Variants in RANBP10 observed in about 807,000 individuals in gnomAD.
The protein encoded by RANBP10 is ran-binding protein 10.
A neutral mutation model predicts 72.8 loss-of-function variants in RANBP10; 24 were observed. The observed-to-expected ratio is 0.33, with a 90% CI of 0.24 to 0.46. The LOEUF is 0.46. RANBP10 is among the 20% of genes least tolerant of loss of function. RANBP10 has a pLI of 1.00. For synonymous variants in RANBP10, 310 were observed against 322.3 expected (o/e 0.96, Z 0.41); for missense variants, 679 against 817.5 (o/e 0.83, Z 2.07).
chr16:67,782,595 G>A (rs1348518296), intron 2 of RANBP10, among the ~76,000 whole-genome samples: 3 of 151,972 alleles, frequency 2.0e-5, no homozygotes. Flanking sequence ...GGGACTACAA[G>A]GCGTGCGCTA....
intron 3 of RANBP10, among the ~76,000 whole-genome samples, chr16:67,745,714 C>T (rs2054058994): frequency 6.6e-6 from 1 of 152,110 alleles, no homozygotes; most frequent in South Asian, 2.1e-4. Flanking sequence ...ACGATCAACA[C>T]ACAGAACATT....
intron 3 of RANBP10, among the ~76,000 whole-genome samples, chr16:67,764,674 C>G (rs1334795652): frequency 6.6e-6 from 1 of 152,114 alleles, no homozygotes; most frequent in African/African-American, 2.4e-5. Context: ...GCATGGGGGA[C>G]AGAGTGAGAT....
intron 2 of RANBP10, among the ~76,000 whole-genome samples, chr16:67,785,689 C>G (rs2054903212): frequency 7.0e-6 from 1 of 143,082 alleles, no homozygotes; most frequent in Non-Finnish European, 1.5e-5. Context: ...GATCACACCA[C>G]TGCACTCCTG....
chr16:67,806,539 T>C lies in RANBP10; in HGVS notation c.-3A>G. 6.7e-7 allele frequency: 1 copy of C among 1,497,344 alleles called. No individual in the cohort carries two copies. Among genetic ancestry groups the C allele is most frequent in the Non-Finnish European group, 8.8e-7 (1 of 1,131,712 alleles). 92.8% of individuals were successfully genotyped at this position (1,497,344 alleles called of 1,614,324 possible). ...GGGTCTGCCGTCGCTGCCGCCATCT[T>C]GGAGGGAGCTACTATTGTGTCACTG... On this transcript the variant is annotated 5_prime_UTR_variant, in exon 1 of 14. Coordinates refer to ENST00000317506, the MANE Select transcript of RANBP10 (RefSeq NM_020850.3).
rs188355810 is a variant in RANBP10 at position 67,728,334 on chromosome 16, G to A, written c.1474+56C>T. On this transcript the variant is annotated intron_variant, in intron 11 of 13. Transcript: ENST00000317506. ...ACCCCAGCCCCTCCCAGGGGAAGAG[G>A]GCACCCAGACTGCACACTGCCCTCA... The A allele has an allele frequency of 4.9e-5, 77 of 1,585,584 alleles. No homozygotes were observed. In the East Asian group the frequency reaches 1.6e-3, roughly 32 times the overall value.
At chr16:67,735,066 G>A in intron 5 of RANBP10, 24 bp from the exon 6 acceptor site, 1 of 1,564,812 alleles carries the variant, frequency 6.4e-7, no homozygotes, top group Non-Finnish European at 8.7e-7. Context: ...TGAAATGTCA[G>A]TCAGGCCCTG....
chr16:67,771,453 C>A (rs958296517), intron 3 of RANBP10, among the ~76,000 whole-genome samples: 3 of 151,964 alleles, frequency 2.0e-5, no homozygotes, highest in Non-Finnish European at 2.9e-5. Context: ...TCAAGCGATT[C>A]TCCTGCCTCT....
intron 3 of RANBP10, among the ~76,000 whole-genome samples, chr16:67,754,556 G>C (rs1326934366): frequency 6.6e-6 from 1 of 152,208 alleles, no homozygotes; most frequent in Admixed American, 6.5e-5. Flanking sequence ...CAGGCCTTGA[G>C]AAGTTGTACA....
chr16:67,782,202 G>A (rs1028089854), intron 2 of RANBP10, among the ~76,000 whole-genome samples: 1 of 152,102 alleles, frequency 6.6e-6, no homozygotes, highest in Admixed American at 6.6e-5. Flanking sequence ...GTGCAATGGT[G>A]AGACCTTGCT....
chr16:67,778,295 G>A (rs986972697), intron 2 of RANBP10, among the ~76,000 whole-genome samples: 4 of 152,066 alleles, frequency 2.6e-5, no homozygotes, highest in African/African-American at 9.7e-5. Flanking sequence ...GTTGCAGTAA[G>A]CCAAGATCGC....
At position 67,785,731 on chromosome 16, in the gene RANBP10, C is replaced by CAAAAAAAAAAAA. The variant is rs61683439; in HGVS notation, c.348-13657_348-13646dup. ...AAACAGAGTGAGTGAGACTCCATCT[C>CAAAAAAAAAAAA]AAAAAAAAAAAAAAAGCCAGGCACA... is the stretch of plus-strand genomic sequence containing the variant. On this transcript the variant is annotated intron_variant, in intron 2 of 13. Coordinates refer to ENST00000317506, the MANE Select transcript of RANBP10 (RefSeq NM_020850.3). 5.4e-4 allele frequency among the ~76,000 whole-genome samples: 39 copies of CAAAAAAAAAAAA among 71,730 alleles called. 2 individuals carry two copies. Among genetic ancestry groups the CAAAAAAAAAAAA allele is most frequent in the African/African-American group, 2.1e-3 (30 of 14,582 alleles). 47.1% of individuals were successfully genotyped at this position (71,730 alleles called of 152,430 possible).
intron 3 of RANBP10, 31 bp from the exon 4 acceptor site, chr16:67,744,486 T>A: frequency 1.3e-6 from 2 of 1,589,652 alleles, no homozygotes; most frequent in South Asian, 1.1e-5. Flanking sequence ...AATAACTGAG[T>A]AGGTACTTGA....
chr16:67,804,116 A>G (rs1414570308), intron 2 of RANBP10, among the ~76,000 whole-genome samples: 1 of 152,152 alleles, frequency 6.6e-6, no homozygotes, highest in Non-Finnish European at 1.5e-5. Flanking sequence ...CAAAGGGGAC[A>G]GTCCCTAGGA....
In RANBP10 at chr16:67,729,955, G is replaced by A. The variant is rs1216194690; in HGVS notation, c.981C>T (p.Asn327=). ...FYPGLLEHNP[N]LLFMLKCRQF... ...AGACTTACTTGAGCATGAAGAGGAGGTTGGGGTTGTGCTCCAGCAGCCCTG... is the reference window on the plus strand; with the variant it reads ...AGACTTACTTGAGCATGAAGAGGAGATTGGGGTTGTGCTCCAGCAGCCCTG... The change falls in exon 8 of 14, where the codon AAC becomes AAT. Residue 327 remains asparagine (N), a synonymous_variant. Transcript: ENST00000317506. The surrounding 1 kb of genome is among the most constrained non-coding windows in gnomAD (Gnocchi z 7.1). 1.2e-6 allele frequency: 2 copies of A among 1,613,820 alleles called. No individual in the cohort carries two copies. The highest frequency in any genetic ancestry group is 1.1e-5 in the South Asian group (1 of 91,072).
At chr16:67,779,541 T>A (rs900146789) in intron 2 of RANBP10, among the ~76,000 whole-genome samples, 16 of 152,158 alleles carry the variant, frequency 1.1e-4, no homozygotes, top group African/African-American at 9.7e-5. Flanking sequence ...TTTGCATCTA[T>A]GGAACAGGAA....
chr16:67,730,265 A>G lies in RANBP10; in HGVS notation c.890-219T>C, dbSNP rs1176880151. On this transcript the variant is annotated intron_variant, in intron 7 of 13. Transcript: ENST00000317506. The surrounding 1 kb of genome is among the most constrained non-coding windows in gnomAD (Gnocchi z 4.3). Reference sequence around the variant, plus strand: ...GAGAGTCCTCAAGAATATGGGGAAGATGGAGGGGAGACTCTCAGCCCAAAG... The same window carrying G: ...GAGAGTCCTCAAGAATATGGGGAAGGTGGAGGGGAGACTCTCAGCCCAAAG... Among the ~76,000 whole-genome samples the G allele has an allele frequency of 2.6e-5, 4 of 152,154 alleles. No homozygotes were observed. The highest frequency in any genetic ancestry group is 5.9e-5 in the Non-Finnish European group (4 of 68,020).
chr16:67,728,032 C>G (rs961504992), intron 11 of RANBP10, 136 bp from the exon 12 acceptor site: 2 of 914,668 alleles, frequency 2.2e-6, no homozygotes, highest in African/African-American at 3.3e-5. Context: ...ACAGGTGAGG[C>G]AGCTACAGTC....
intron 3 of RANBP10, chr16:67,762,362 C>A (rs958506126): frequency 6.6e-6 from 1 of 152,156 alleles, no homozygotes; most frequent in Non-Finnish European, 1.5e-5. Context: ...TCATAACCAT[C>A]CTATATATGA....
intron 3 of RANBP10, chr16:67,759,513 G>A (rs1029248241): frequency 6.6e-6 from 1 of 152,234 alleles, no homozygotes; most frequent in African/African-American, 2.4e-5. Flanking sequence ...GGGGAGCAGA[G>A]GCTTGTTCCC....
Sources: allele counts gnomAD v4.1 joint callset (sites outside exome capture counted in the v4.1 genomes callset), GRCh38; gene constraint gnomAD v4.1.1; non-coding constraint Gnocchi (gnomAD v3.1); transcripts MANE v1.5; gene names NCBI Gene and HGNC (gene_info 2026-07-23, HGNC 2026-07-21).